Variants in COG6 observed in about 807,000 individuals in gnomAD.
COG6 encodes conserved oligomeric Golgi complex subunit 6.
A neutral mutation model predicts 88.8 loss-of-function variants in COG6; 74 were observed. The observed-to-expected ratio is 0.83, with a 90% CI of 0.69 to 1.01. COG6 has a LOEUF of 1.01. Ranked by LOEUF, COG6 falls within the 50% of genes least tolerant of loss-of-function variation. COG6 has a pLI of 0.00. For missense variants in COG6, 800 were observed against 797.9 expected, an observed-to-expected ratio of 1.00 and a Z score of -0.03; for synonymous variants, 286 against 278.7, an observed-to-expected ratio of 1.03 and a Z score of -0.26.
chr13:39,733,213 C>T (rs1268294104), intron 18 of COG6, among the ~76,000 whole-genome samples: 4 of 135,036 alleles, frequency 3.0e-5, no homozygotes, highest in African/African-American at 1.1e-4. Flanking sequence ...TTTTTGGAGA[C>T]GGAGTCTTGC....
At chr13:39,699,440 A>C in intron 12 of COG6, 61 bp from the exon 13 acceptor site, 1 of 800,702 alleles carries the variant, frequency 1.2e-6, no homozygotes, top group Non-Finnish European at 2.2e-6. Flanking sequence ...CATTCTACTC[A>C]GTTAAGGAAC....
chr13:39,706,715 T>C (rs79415109), intron 13 of COG6, among the ~76,000 whole-genome samples: 3,816 of 152,224 alleles, frequency 0.025, 169 homozygotes, highest in African/African-American at 0.087. Flanking sequence ...TCAGAGTCTG[T>C]CTCTGTCGTC....
At chr13:39,675,282 C>T (rs1324839866) in intron 4 of COG6, among the ~76,000 whole-genome samples, 4 of 152,128 alleles carry the variant, frequency 2.6e-5, no homozygotes, top group African/African-American at 4.8e-5. Context: ...TTATCACACT[C>T]GTCTCTGGCA....
At chr13:39,756,711 C>CATTA (rs1880846786), downstream of COG6, among the ~76,000 whole-genome samples, 1 of 151,244 alleles carries the variant, frequency 6.6e-6, no homozygotes, top group Non-Finnish European at 1.5e-5. Context: ...AACCAAAAGG[C>CATTA]ATTAGCTGGT....
chr13:39,657,159 G>C (rs1416239117), intron 1 of COG6, among the ~76,000 whole-genome samples: 1 of 152,100 alleles, frequency 6.6e-6, no homozygotes, highest in African/African-American at 2.4e-5. Context: ...AGCCTCCCAA[G>C]TAGCTGGGAT....
chr13:39,790,736 A>G (rs1881915253), exon 19 of COG6: 1 of 152,036 alleles, frequency 6.6e-6, no homozygotes, highest in Admixed American at 6.6e-5. Context: ...ATTGGACTTT[A>G]TGTCCATATT....
At chr13:39,777,454 G>A (rs1401239811) in intron 18 of COG6, among the ~76,000 whole-genome samples, 2 of 152,176 alleles carry the variant, frequency 1.3e-5, no homozygotes, top group African/African-American at 2.4e-5. Flanking sequence ...AAAGTTTAAT[G>A]TTATTAGGTT....
chr13:39,680,724 T>C (rs1282154006), intron 7 of COG6, among the ~76,000 whole-genome samples: 2 of 152,192 alleles, frequency 1.3e-5, no homozygotes, highest in African/African-American at 2.4e-5. Flanking sequence ...GCTGCCTGCA[T>C]TCTTCGGCTT....
intron 18 of COG6, among the ~76,000 whole-genome samples, chr13:39,760,098 G>A (rs1024929895): frequency 1.3e-5 from 2 of 152,078 alleles, no homozygotes; most frequent in African/African-American, 4.8e-5. Flanking sequence ...TATTAGCTTT[G>A]GCCTACTAAA....
At chr13:39,689,900 C>T in intron 11 of COG6, 76 bp downstream of exon 11, 1 of 857,888 alleles carries the variant, frequency 1.2e-6, no homozygotes, top group Non-Finnish European at 1.9e-6. Flanking sequence ...ACTTAAGAAA[C>T]TGATACCAGC....
chr13:39,715,893 A>G (rs1261955543), intron 13 of COG6, among the ~76,000 whole-genome samples: 2 of 152,006 alleles, frequency 1.3e-5, no homozygotes, highest in African/African-American at 4.8e-5. Context: ...GAAAATTTTT[A>G]AAAAACCCTC....
intron 11 of COG6, among the ~76,000 whole-genome samples, chr13:39,692,377 A>G (rs1367779903): frequency 6.6e-6 from 1 of 151,932 alleles, no homozygotes; most frequent in Non-Finnish European, 1.5e-5. Context: ...TTTCTCTTTT[A>G]ATAAAAACTT....
At chr13:39,674,012 A>C (rs1195150130) in intron 4 of COG6, among the ~76,000 whole-genome samples, 2 of 151,996 alleles carry the variant, frequency 1.3e-5, no homozygotes, top group African/African-American at 4.8e-5. Context: ...AAACTTTGCC[A>C]ATGTAGATGA....
At chr13:39,721,828 CTT>C (rs1878867171) in intron 15 of COG6, among the ~76,000 whole-genome samples, 1 of 152,064 alleles carries the variant, frequency 6.6e-6, no homozygotes, top group Non-Finnish European at 1.5e-5. Flanking sequence ...GTCAGATTCT[CTT>C]GTTTTTAGTA....
intron 13 of COG6, among the ~76,000 whole-genome samples, chr13:39,700,320 A>C (rs2138034750): frequency 6.6e-6 from 1 of 151,998 alleles, no homozygotes; most frequent in African/African-American, 2.4e-5. Flanking sequence ...GTAATATGGT[A>C]TAAAATAGTC....
At chr13:39,709,603 A>G (rs1327510430) in intron 13 of COG6, among the ~76,000 whole-genome samples, 1 of 152,140 alleles carries the variant, frequency 6.6e-6, no homozygotes, top group Non-Finnish European at 1.5e-5. Context: ...TTGTTGCAAA[A>G]GAAATGATTT....
chr13:39,743,219 G>T (rs888621990), intron 18 of COG6, among the ~76,000 whole-genome samples: 3 of 151,918 alleles, frequency 2.0e-5, no homozygotes, highest in African/African-American at 7.3e-5. Flanking sequence ...CAAACAAATT[G>T]AAAAGCTAGC....
chr13:39,699,037 T>C (rs1593434302), intron 12 of COG6, among the ~76,000 whole-genome samples: 1 of 151,982 alleles, frequency 6.6e-6, no homozygotes, highest in Non-Finnish European at 1.5e-5. Context: ...GAGAAACTGA[T>C]TTATAGGTGT....
chr13:39,746,978 T>C (rs1406340039), intron 18 of COG6, among the ~76,000 whole-genome samples: 1 of 152,178 alleles, frequency 6.6e-6, no homozygotes, highest in Non-Finnish European at 1.5e-5. Context: ...CTCATTAAAA[T>C]ACTCTTAACT....
Sources: allele counts gnomAD v4.1 joint callset (sites outside exome capture counted in the v4.1 genomes callset), GRCh38; gene constraint gnomAD v4.1.1; transcripts MANE v1.5; gene names NCBI Gene and HGNC (gene_info 2026-07-23, HGNC 2026-07-21).